CPA6: variants seen among roughly 807,000 people sequenced by gnomAD.
CPA6 encodes the protein carboxypeptidase A6.
A neutral mutation model predicts 63.3 loss-of-function variants in CPA6; 58 were observed. The observed-to-expected ratio is 0.92, with a 90% CI of 0.74 to 1.14. CPA6 has a LOEUF of 1.14. Among genes scored for constraint, CPA6 ranks in the 50% most tolerant of loss-of-function variants. The pLI, the probability that CPA6 is intolerant of heterozygous loss-of-function variation, is 0.00. For missense variants in CPA6, 565 were observed against 526.6 expected (o/e 1.07, Z -0.71); for synonymous variants, 185 against 179.0 (o/e 1.03, Z -0.27).
intron 1 of CPA6, among the ~76,000 whole-genome samples, chr8:67,727,153 A>AG (rs1817611953): frequency 6.6e-6 from 1 of 150,602 alleles, no homozygotes; most frequent in Admixed American, 6.6e-5. Context: ...ATAGGGAGAA[A>AG]GAAAAAAAAA....
intron 8 of CPA6, among the ~76,000 whole-genome samples, chr8:67,482,105 A>G (rs746718102): frequency 6.6e-6 from 1 of 152,240 alleles, no homozygotes; most frequent in Non-Finnish European, 1.5e-5. Flanking sequence ...TGTATGAAGG[A>G]AGCAAGCTGG....
At position 67,604,810 on chromosome 8, in the gene CPA6, T is replaced by C. The variant is rs543167870; in HGVS notation, c.192+19366A>G. Among the ~76,000 whole-genome samples the C allele has an allele frequency of 7.9e-5, 12 of 151,862 alleles. No homozygotes were observed. In the East Asian group the frequency reaches 2.1e-3, roughly 27 times the overall value. On this transcript the variant is annotated intron_variant, in intron 2 of 10. Coordinates refer to ENST00000297770, the MANE Select transcript of CPA6 (RefSeq NM_020361.5). ...TTTGTTTTTTGAGATTGAGTTTCAT[T>C]CTTTTTACCCGGGCTGGAGTGCAAT...
chr8:67,713,087 G>A (rs1182858553), intron 1 of CPA6, among the ~76,000 whole-genome samples: 1 of 51,820 alleles, frequency 1.9e-5, no homozygotes, highest in East Asian at 6.8e-4. Context: ...GTGTGTATGT[G>A]TGTGTGTGTG....
intron 1 of CPA6, among the ~76,000 whole-genome samples, chr8:67,672,880 A>G (rs1256847686): frequency 6.6e-6 from 1 of 151,940 alleles, no homozygotes; most frequent in Non-Finnish European, 1.5e-5. Context: ...TGATGCAGGC[A>G]TTACAGAGGA....
chr8:67,621,062 T>G (rs1405784238), intron 2 of CPA6, among the ~76,000 whole-genome samples: 1 of 152,204 alleles, frequency 6.6e-6, no homozygotes, highest in Non-Finnish European at 1.5e-5. Context: ...TTTACCCCAA[T>G]AAAAACCCCA....
At chr8:67,611,097 T>G (rs1814796024) in intron 2 of CPA6, among the ~76,000 whole-genome samples, 1 of 152,066 alleles carries the variant, frequency 6.6e-6, no homozygotes, top group Non-Finnish European at 1.5e-5. Flanking sequence ...TCTTTTTTTT[T>G]TTTGAGATGG....
chr8:67,713,545 C>T (rs1440335799), intron 1 of CPA6, among the ~76,000 whole-genome samples: 1 of 152,132 alleles, frequency 6.6e-6, no homozygotes, highest in Non-Finnish European at 1.5e-5. Context: ...AGAAACCTCT[C>T]CCTGCTCTAG....
At chr8:67,606,783 C>G (rs544509339) in intron 2 of CPA6, among the ~76,000 whole-genome samples, 1 of 152,150 alleles carries the variant, frequency 6.6e-6, no homozygotes, top group African/African-American at 2.4e-5. Context: ...GGAGGTTCTC[C>G]TTTGCCCATT....
chr8:67,598,823 CCCTTCT>C (rs1236312339), intron 2 of CPA6, among the ~76,000 whole-genome samples: 2 of 151,974 alleles, frequency 1.3e-5, no homozygotes, highest in African/African-American at 4.8e-5. Context: ...TATTTATAAG[CCCTTCT>C]ATACATTTAT....
chr8:67,679,236 A>ATTTGTTTTGT (rs1816542580), intron 1 of CPA6, among the ~76,000 whole-genome samples: 1 of 152,238 alleles, frequency 6.6e-6, no homozygotes. Context: ...AAAAGCCCCG[A>ATTTGTTTTGT]ACATTCTGAA....
intron 2 of CPA6, among the ~76,000 whole-genome samples, chr8:67,528,874 G>A (rs919280971): frequency 3.3e-5 from 5 of 151,820 alleles, no homozygotes; most frequent in Non-Finnish European, 5.9e-5. Context: ...TTTAAGATAT[G>A]TAGATCTTAA....
chr8:67,572,139 A>G (rs1428842022), intron 2 of CPA6, among the ~76,000 whole-genome samples: 5 of 152,314 alleles, frequency 3.3e-5, no homozygotes, highest in African/African-American at 1.2e-4. Context: ...AGAAATAGAA[A>G]ATCTGAACAG....
At chr8:67,652,795 T>G (rs1215022930) in intron 1 of CPA6, among the ~76,000 whole-genome samples, 2 of 152,114 alleles carry the variant, frequency 1.3e-5, no homozygotes, top group African/African-American at 4.8e-5. Flanking sequence ...TTTGGTATTT[T>G]AGACATGAAG....
At chr8:67,726,398 C>G (rs1486058124) in intron 1 of CPA6, among the ~76,000 whole-genome samples, 1 of 152,140 alleles carries the variant, frequency 6.6e-6, no homozygotes, top group Non-Finnish European at 1.5e-5. Context: ...CCTTCTTTGG[C>G]AAATGACGAC....
intron 2 of CPA6, among the ~76,000 whole-genome samples, chr8:67,545,293 C>T (rs1290923594): frequency 6.6e-6 from 1 of 152,116 alleles, no homozygotes; most frequent in Non-Finnish European, 1.5e-5. Flanking sequence ...ATGCTCCTCC[C>T]ATATTTTTCT....
chr8:67,705,254 G>A (rs559692485), intron 1 of CPA6, among the ~76,000 whole-genome samples: 1 of 152,312 alleles, frequency 6.6e-6, no homozygotes, highest in South Asian at 2.1e-4. Flanking sequence ...GCCTAGGACA[G>A]AATCCCCACC....
chr8:67,678,768 C>T lies in CPA6; in HGVS notation c.117-54517G>A, dbSNP rs149953118. On this transcript the variant is annotated intron_variant, in intron 1 of 10. Transcript: ENST00000297770. Reference sequence around the variant, plus strand: ...TCATACCATATACCCAACAGAAATACATTCATATAATTACCAGTAGACATG... The same window carrying T: ...TCATACCATATACCCAACAGAAATATATTCATATAATTACCAGTAGACATG... Among the ~76,000 whole-genome samples the T allele has an allele frequency of 2.0e-4, 30 of 152,328 alleles. No homozygotes were observed. In the Middle Eastern group the frequency reaches 0.01, roughly 52 times the overall value.
chr8:67,426,338 A>C (rs998180723), intron 10 of CPA6, among the ~76,000 whole-genome samples: 2 of 152,240 alleles, frequency 1.3e-5, no homozygotes, highest in Non-Finnish European at 2.9e-5. Context: ...CTCTATATGA[A>C]GTTGAAAAGG....
At chr8:67,522,220 G>A (rs1240448981) in intron 2 of CPA6, among the ~76,000 whole-genome samples, 1 of 152,094 alleles carries the variant, frequency 6.6e-6, no homozygotes. Flanking sequence ...CCCCCATTCT[G>A]AGCCCATAAA....
Sources: gnomAD v4.1 joint callset for allele counts (sites outside exome capture counted in the v4.1 genomes callset) on GRCh38, gnomAD v4.1.1 for gene constraint, MANE v1.5 for transcripts, NCBI Gene and HGNC (gene_info 2026-07-23, HGNC 2026-07-21) for gene names.